Variants in KHDRBS2 observed in about 807,000 individuals in gnomAD.
The protein encoded by KHDRBS2 is KH domain-containing, RNA-binding, signal transduction-associated protein 2.
Under a neutral mutation model 44.3 loss-of-function variants are expected in KHDRBS2, and 26 were observed. The observed-to-expected ratio is 0.59, with a 90% confidence interval of 0.43 to 0.81. The LOEUF (loss-of-function observed/expected upper bound fraction) is 0.81, where lower values mean the gene tolerates loss of function less well. Ranked by LOEUF, KHDRBS2 falls within the 40% of genes least tolerant of loss-of-function variation. The probability of loss-of-function intolerance (pLI) is 0.00; values close to 1 mark genes in which losing one functional copy is unlikely to be tolerated. For synonymous variants in KHDRBS2, 194 were observed against 151.1 expected, an observed-to-expected ratio of 1.28 and a Z score of -2.08; for missense variants, 476 against 433.1, an observed-to-expected ratio of 1.10 and a Z score of -0.88.
rs1311076989 is a variant in KHDRBS2, at chr6:61,721,458, G to A, written c.893+11224C>T. 2.8e-3 allele frequency among the ~76,000 whole-genome samples: 409 copies of A among 147,756 alleles called. 2 individuals are homozygous for A. Among genetic ancestry groups the A allele is most frequent in the African/African-American group, 9.5e-3 (381 of 40,116 alleles). ...TTTGTATCCTCTTTTATTTCCTTGAGCAGTGGTTTGTAGTTCTCCTTGAAG... is the reference window on the plus strand; with the variant it reads ...TTTGTATCCTCTTTTATTTCCTTGAACAGTGGTTTGTAGTTCTCCTTGAAG... On this transcript the variant is annotated intron_variant, in intron 7 of 8. Transcript: ENST00000281156.
chr6:62,119,636 T>G (rs1448010344), intron 2 of KHDRBS2, among the ~76,000 whole-genome samples: 1 of 152,158 alleles, frequency 6.6e-6, no homozygotes, highest in Non-Finnish European at 1.5e-5. Context: ...AGGACCCTGA[T>G]GAAGCTGGGG....
chr6:61,686,149 A>G (rs917005262), intron 8 of KHDRBS2, among the ~76,000 whole-genome samples: 4 of 151,778 alleles, frequency 2.6e-5, no homozygotes, highest in African/African-American at 9.7e-5. Context: ...TATCTGAAAT[A>G]TGGAAAAGAA....
intron 3 of KHDRBS2, among the ~76,000 whole-genome samples, chr6:62,019,481 C>G (rs1294987821): frequency 6.6e-6 from 1 of 151,992 alleles, no homozygotes; most frequent in Non-Finnish European, 1.5e-5. Flanking sequence ...GGAAATAATT[C>G]TTTCCTCTTT....
chr6:61,954,716 G>A (rs1206179111), intron 4 of KHDRBS2, among the ~76,000 whole-genome samples: 1,128 of 83,758 alleles, frequency 0.013, 425 homozygotes, highest in Middle Eastern at 0.029. Context: ...ATATACACAT[G>A]CATACTTATG....
chr6:61,571,656 A>C, the KHDRBS2 span, among the ~76,000 whole-genome samples: 2 of 152,122 alleles, frequency 1.3e-5, no homozygotes, highest in Non-Finnish European at 2.9e-5. Flanking sequence ...TACACCATAT[A>C]ATAGGTCACA....
At chr6:61,555,347 A>G in the KHDRBS2 span, among the ~76,000 whole-genome samples, 904 of 152,114 alleles carry the variant, frequency 5.9e-3, 5 homozygotes, top group Non-Finnish European at 9.1e-3. Context: ...TAAGTTTTTC[A>G]TCTTTGTCAG....
chr6:61,702,639 A>C (rs1303536763), intron 7 of KHDRBS2, among the ~76,000 whole-genome samples: 1 of 151,988 alleles, frequency 6.6e-6, no homozygotes, highest in African/African-American at 2.4e-5. Flanking sequence ...ATTTTAAAGG[A>C]AATTTGTTTA....
At chr6:61,559,539 G>T in the KHDRBS2 span, among the ~76,000 whole-genome samples, 1 of 152,024 alleles carries the variant, frequency 6.6e-6, no homozygotes, top group South Asian at 2.1e-4. Context: ...CTGATGGTAT[G>T]TTTTAATTTC....
At chr6:61,775,969 C>A (rs945509559) in intron 6 of KHDRBS2, among the ~76,000 whole-genome samples, 4 of 152,102 alleles carry the variant, frequency 2.6e-5, no homozygotes, top group African/African-American at 4.8e-5. Flanking sequence ...CAGAACAGAA[C>A]CCTCAGAAAT....
At chr6:61,769,533 G>T (rs1017281056) in intron 6 of KHDRBS2, among the ~76,000 whole-genome samples, 5 of 152,214 alleles carry the variant, frequency 3.3e-5, no homozygotes, top group African/African-American at 1.2e-4. Flanking sequence ...ATGGCTCAGA[G>T]GGTCCTACTG....
intron 2 of KHDRBS2, among the ~76,000 whole-genome samples, chr6:62,145,172 T>C (rs764253398): frequency 6.6e-6 from 1 of 151,876 alleles, no homozygotes; most frequent in Non-Finnish European, 1.5e-5. Context: ...CTAAGACAGT[T>C]GTATATATTT....
intron 3 of KHDRBS2, among the ~76,000 whole-genome samples, chr6:61,981,067 G>A (rs1339243035): frequency 6.6e-6 from 1 of 152,080 alleles, no homozygotes; most frequent in East Asian, 1.9e-4. Flanking sequence ...CAGGCCCTGT[G>A]AGGCATAAGA....
At chr6:62,174,769 A>G (rs1820753197) in intron 2 of KHDRBS2, among the ~76,000 whole-genome samples, 1 of 151,834 alleles carries the variant, frequency 6.6e-6, no homozygotes, top group African/African-American at 2.4e-5. Flanking sequence ...GTTCTGAGAG[A>G]AAGCTGTATA....
At chr6:62,114,666 T>A (rs1805792054) in intron 2 of KHDRBS2, among the ~76,000 whole-genome samples, 1 of 152,098 alleles carries the variant, frequency 6.6e-6, no homozygotes, top group South Asian at 2.1e-4. Flanking sequence ...TCACTAAGTA[T>A]TGTTCCAAGT....
the KHDRBS2 span, among the ~76,000 whole-genome samples, chr6:61,552,392 T>A: frequency 5.9e-5 from 9 of 152,216 alleles, no homozygotes; most frequent in Admixed American, 5.9e-4. Flanking sequence ...AAGTTATTTA[T>A]CAGCTCAAGG....
chr6:62,129,144 AC>A (rs1408174419), intron 2 of KHDRBS2, among the ~76,000 whole-genome samples: 4 of 152,152 alleles, frequency 2.6e-5, no homozygotes, highest in African/African-American at 9.6e-5. Flanking sequence ...AATAACAACT[AC>A]TTTTCTATAT....
intron 2 of KHDRBS2, among the ~76,000 whole-genome samples, chr6:62,148,357 T>C (rs1435729900): frequency 6.6e-6 from 1 of 152,002 alleles, no homozygotes; most frequent in African/African-American, 2.4e-5. Flanking sequence ...ACAGTAAGAA[T>C]ACTATGAATA....
At chr6:61,557,419 A>G in the KHDRBS2 span, among the ~76,000 whole-genome samples, 8 of 152,184 alleles carry the variant, frequency 5.3e-5, no homozygotes, top group Admixed American at 5.2e-4. Context: ...TGTCAGACAG[A>G]AGGCTGTAAA....
intron 2 of KHDRBS2, among the ~76,000 whole-genome samples, chr6:62,072,669 A>C (rs1388154051): frequency 2.0e-5 from 3 of 152,134 alleles, no homozygotes; most frequent in South Asian, 2.1e-4. Context: ...GTTGAACCAG[A>C]CTTGCATCCC....
Sources: gnomAD v4.1 joint callset for allele counts (sites outside exome capture counted in the v4.1 genomes callset) on GRCh38, gnomAD v4.1.1 for gene constraint, MANE v1.5 for transcripts, NCBI Gene and HGNC (gene_info 2026-07-23, HGNC 2026-07-21) for gene names.